C1QTNF3: variants seen among roughly 807,000 people sequenced by gnomAD.
C1QTNF3 encodes complement C1q tumor necrosis factor-related protein 3.
A neutral mutation model predicts 32.6 loss-of-function variants in C1QTNF3; 26 were observed. The observed-to-expected ratio is 0.80, with a 90% CI of 0.58 to 1.11. C1QTNF3 has a LOEUF of 1.11. Among genes scored for constraint, C1QTNF3 ranks in the 50% least tolerant of loss-of-function variants. The pLI is 0.00. For synonymous variants in C1QTNF3, 155 were observed against 146.0 expected (o/e 1.06, Z -0.44); for missense variants, 362 against 398.2 (o/e 0.91, Z 0.77).
At chr5:34,127,958 A>G in the C1QTNF3 span, among the ~76,000 whole-genome samples, 2 of 152,140 alleles carry the variant, frequency 1.3e-5, no homozygotes, top group African/African-American at 4.8e-5. Flanking sequence ...CCTGATGTTA[A>G]TCTCCAAGAA....
intron 3 of C1QTNF3, among the ~76,000 whole-genome samples, chr5:34,031,933 G>A (rs1463727930): frequency 6.6e-6 from 1 of 151,944 alleles, no homozygotes; most frequent in Non-Finnish European, 1.5e-5. Context: ...GAAAAATGAT[G>A]GAACTTATAC....
At chr5:34,175,489 A>G in the C1QTNF3 span, 16 of 258,696 alleles carry the variant, frequency 6.2e-5, no homozygotes, top group South Asian at 8.1e-4. Context: ...TGATGAGTGT[A>G]TCCCAAAAGT....
the C1QTNF3 span, among the ~76,000 whole-genome samples, chr5:34,113,582 C>T: frequency 1.3e-5 from 2 of 151,722 alleles, no homozygotes; most frequent in Non-Finnish European, 2.9e-5. Flanking sequence ...AATGATATGA[C>T]CTTATTATTA....
the C1QTNF3 span, chr5:34,169,031 G>A: frequency 1.1e-4 from 17 of 152,106 alleles, no homozygotes; most frequent in African/African-American, 3.6e-4. Context: ...TCCCACCTTC[G>A]GTTCCTTCCT....
At chr5:34,141,557 T>C in the C1QTNF3 span, among the ~76,000 whole-genome samples, 2 of 152,196 alleles carry the variant, frequency 1.3e-5, no homozygotes, top group African/African-American at 2.4e-5. Context: ...TTTTTGATAG[T>C]AGCCATCATC....
At chr5:34,166,415 G>GA in the C1QTNF3 span, 326 of 146,296 alleles carry the variant, frequency 2.2e-3, 3 homozygotes, top group African/African-American at 7.2e-3. Context: ...CAGGGAAATG[G>GA]AAAAAAAAAC....
At chr5:34,213,503 G>A in the C1QTNF3 span, among the ~76,000 whole-genome samples, 1 of 151,316 alleles carries the variant, frequency 6.6e-6, no homozygotes, top group Non-Finnish European at 1.5e-5. Flanking sequence ...CATCATAAAG[G>A]CAGAGGTTAA....
chr5:34,051,253 G>T, the C1QTNF3 span, among the ~76,000 whole-genome samples: 2 of 152,070 alleles, frequency 1.3e-5, no homozygotes, highest in Non-Finnish European at 2.9e-5. Context: ...TTACCTAATT[G>T]CCCAGTCTTC....
At chr5:34,224,272 G>A in the C1QTNF3 span, among the ~76,000 whole-genome samples, 3 of 152,172 alleles carry the variant, frequency 2.0e-5, no homozygotes, top group Non-Finnish European at 4.4e-5. Flanking sequence ...AGCTACCAAT[G>A]ACTTTCTTCA....
the C1QTNF3 span, among the ~76,000 whole-genome samples, chr5:34,139,748 T>C: frequency 1.6e-3 from 239 of 152,334 alleles, 1 homozygote; most frequent in African/African-American, 5.5e-3. Flanking sequence ...TAGGAGATCC[T>C]AGGCACCCAA....
At chr5:34,049,393 C>T in the C1QTNF3 span, among the ~76,000 whole-genome samples, 1 of 152,170 alleles carries the variant, frequency 6.6e-6, no homozygotes, top group Admixed American at 6.5e-5. Context: ...CTAGTCTGCT[C>T]AGCCCTATTT....
chr5:34,114,479 T>C, the C1QTNF3 span, among the ~76,000 whole-genome samples: 3 of 152,198 alleles, frequency 2.0e-5, no homozygotes, highest in Admixed American at 2.0e-4. Flanking sequence ...TAATTCAAAC[T>C]ATCAAATCAC....
chr5:34,218,695 G>C, the C1QTNF3 span, among the ~76,000 whole-genome samples: 1 of 152,100 alleles, frequency 6.6e-6, no homozygotes, highest in Non-Finnish European at 1.5e-5. Context: ...TTTATGCACT[G>C]ATAATAAATA....
the C1QTNF3 span, among the ~76,000 whole-genome samples, chr5:34,142,252 GA>G: frequency 6.6e-6 from 1 of 152,114 alleles, no homozygotes. Flanking sequence ...GCCAACATGT[GA>G]AACCCTGTCT....
chr5:34,052,063 C>T, the C1QTNF3 span, among the ~76,000 whole-genome samples: 2 of 152,054 alleles, frequency 1.3e-5, no homozygotes, highest in Middle Eastern at 3.2e-3. Context: ...GCTCGAACCC[C>T]GGAGGTGAAT....
chr5:34,137,011 G>A, the C1QTNF3 span, among the ~76,000 whole-genome samples: 1 of 151,858 alleles, frequency 6.6e-6, no homozygotes, highest in Non-Finnish European at 1.5e-5. Context: ...GTGGGGGCCT[G>A]GGGGAGGGAT....
rs542077486 is a variant in C1QTNF3, at chr5:34,018,253, A to G, written c.*2330T>C. 3.3e-5 allele frequency among the ~76,000 whole-genome samples: 5 copies of G among 152,118 alleles called. No individual in the cohort carries two copies. The highest frequency in any genetic ancestry group is 6.5e-5 in the Admixed American group (1 of 15,298). On this transcript the variant is annotated 3_prime_UTR_variant, in exon 6 of 6. Transcript: ENST00000382065. ...TATAGTGAGTTTTTTAAATAAAAAT[A>G]TATATATTTAAATATAACACTTCAA...
the C1QTNF3 span, among the ~76,000 whole-genome samples, chr5:34,108,369 T>A: frequency 6.6e-6 from 1 of 152,140 alleles, no homozygotes; most frequent in East Asian, 1.9e-4. Context: ...AAAAGCAAGA[T>A]TAAGTACACT....
the C1QTNF3 span, among the ~76,000 whole-genome samples, chr5:34,054,412 A>G: frequency 6.6e-6 from 1 of 152,220 alleles, no homozygotes; most frequent in African/African-American, 2.4e-5. Context: ...AGGGCTGTGT[A>G]ATAAATATTT....
Sources: gnomAD v4.1 joint callset for allele counts (sites outside exome capture counted in the v4.1 genomes callset) on GRCh38, gnomAD v4.1.1 for gene constraint, MANE v1.5 for transcripts, NCBI Gene and HGNC (gene_info 2026-07-23, HGNC 2026-07-21) for gene names.